Variants in HK1 observed in about 807,000 individuals in gnomAD.
HK1 encodes the protein hexokinase 1, also known as hexokinase-1.
In HK1, 28 loss-of-function variants were observed where a neutral mutation model predicts 91.6. The observed-to-expected ratio is 0.31, with a 90% CI of 0.23 to 0.42. The LOEUF is 0.42. Among genes scored for constraint, HK1 ranks in the 10% least tolerant of loss-of-function variants. The pLI, the probability that HK1 is intolerant of heterozygous loss-of-function variation, is 1.00. For synonymous variants in HK1, 430 were observed against 468.1 expected (o/e 0.92, Z 1.05); for missense variants, 770 against 1,219.8 (o/e 0.63, Z 5.49).
intron 5 of HK1, among the ~76,000 whole-genome samples, chr10:69,309,148 CTAGGT>C (rs1346150278): frequency 6.6e-6 from 1 of 151,764 alleles, no homozygotes; most frequent in Non-Finnish European, 1.5e-5. Flanking sequence ...GCACTTTAGC[CTAGGT>C]GACAGCAAGA....
intron 1 of HK1, among the ~76,000 whole-genome samples, chr10:69,340,113 C>T (rs1471879673): frequency 6.6e-6 from 1 of 152,208 alleles, no homozygotes; most frequent in Non-Finnish European, 1.5e-5. Context: ...AATATGTTTT[C>T]TTTCCCTGGG....
Position 69,288,688 on chromosome 10 carries a change from G to A in HK1, c.-197G>A, listed in dbSNP as rs1001500516. The A allele has an allele frequency of 1.0e-5, 16 of 1,574,982 alleles. No individual in the cohort carries two copies. In the East Asian group the frequency reaches 3.4e-4, roughly 33 times the overall value. The stretch of plus-strand genomic sequence containing the variant: ...TTCTCTAGGCGTTCAAGACCCAGCT[G>A]TTGAGAGTAGAAAAGCAGAAGAAAG... On this transcript the variant is annotated 5_prime_UTR_variant, in exon 3 of 22. Coordinates refer to the HK1 transcript ENST00000360289.
At chr10:69,323,508 G>A (rs1365517273) in intron 1 of HK1, among the ~76,000 whole-genome samples, 1 of 124,386 alleles carries the variant, frequency 8.0e-6, no homozygotes, top group African/African-American at 3.2e-5. Context: ...ATGATAGAGC[G>A]AGACTCTGTC....
At chr10:69,400,248 G>A (rs1008065022) in intron 17 of HK1, among the ~76,000 whole-genome samples, 1 of 152,178 alleles carries the variant, frequency 6.6e-6, no homozygotes, top group Non-Finnish European at 1.5e-5. Context: ...GTGCTGGCAT[G>A]AGCCACCGCA....
intron 1 of HK1, among the ~76,000 whole-genome samples, chr10:69,272,291 A>AT (rs1004693584): frequency 7.9e-4 from 120 of 152,234 alleles, no homozygotes; most frequent in African/African-American, 2.8e-3. Flanking sequence ...ATTAATTTGT[A>AT]TTTTTTTCCC....
intron 15 of HK1, among the ~76,000 whole-genome samples, chr10:69,392,963 G>A (rs1839971202): frequency 6.6e-6 from 1 of 152,156 alleles, no homozygotes; most frequent in South Asian, 2.1e-4. Context: ...GCTTTTCTTC[G>A]AATCAGCTTA....
intron 1 of HK1, among the ~76,000 whole-genome samples, chr10:69,272,551 A>G (rs570764466): frequency 2.8e-4 from 42 of 152,212 alleles, no homozygotes; most frequent in African/African-American, 9.6e-4. Context: ...CTAGTTTGGT[A>G]CTTTTTTCCT....
At chr10:69,374,364 G>A (rs528374787) in intron 7 of HK1, among the ~76,000 whole-genome samples, 3 of 152,334 alleles carry the variant, frequency 2.0e-5, no homozygotes, top group African/African-American at 7.2e-5. Flanking sequence ...CAGATTGGTT[G>A]GAACGCTGCC....
chr10:69,303,189 G>T (rs373366613), intron 5 of HK1, among the ~76,000 whole-genome samples: 1 of 152,022 alleles, frequency 6.6e-6, no homozygotes, highest in African/African-American at 2.4e-5. Flanking sequence ...TAGAGGTAAT[G>T]TGGTGGGGGG....
intron 5 of HK1, among the ~76,000 whole-genome samples, chr10:69,302,842 G>T (rs1013821879): frequency 6.6e-6 from 1 of 152,044 alleles, no homozygotes; most frequent in African/African-American, 2.4e-5. Context: ...GAATTCTTAG[G>T]GTTTGGTAAC....
At chr10:69,400,895 C>A in intron 17 of HK1, 96 bp from the exon 18 acceptor site, 1 of 1,302,194 alleles carries the variant, frequency 7.7e-7, no homozygotes. Context: ...GTCGAATCAT[C>A]ACCAGTCAGG....
chr10:69,366,874 C>T (rs988316227), intron 4 of HK1, among the ~76,000 whole-genome samples: 6 of 152,160 alleles, frequency 3.9e-5, no homozygotes, highest in African/African-American at 9.7e-5. Flanking sequence ...TGCGTTTCAC[C>T]GTTGTTTACA....
Position 69,380,141 on chromosome 10 carries a change from G to A in HK1, c.1265+46G>A, listed in dbSNP as rs1427043075. The A allele has an allele frequency of 4.8e-6, 7 of 1,469,346 alleles. No individual in the cohort carries two copies. In the East Asian group the frequency reaches 6.8e-5, roughly 14 times the overall value. 91.0% of individuals were successfully genotyped at this position (1,469,346 alleles called of 1,614,324 possible). The stretch of plus-strand genomic sequence containing the variant: ...CATTGGCACTCTGTACCCATTGTGG[G>A]TAGGGACCTTCTCCAGAGATCAGAC... On this transcript the variant is annotated intron_variant, in intron 9 of 17. Coordinates refer to ENST00000359426, the MANE Select transcript of HK1 (RefSeq NM_000188.3). The surrounding 1 kb of genome is among the most constrained non-coding windows in gnomAD (Gnocchi z 4.0).
At chr10:69,372,623 C>G (rs1050541277) in intron 7 of HK1, among the ~76,000 whole-genome samples, 1 of 152,072 alleles carries the variant, frequency 6.6e-6, no homozygotes, top group African/African-American at 2.4e-5. Context: ...GATTTTTGCC[C>G]TGTTTGAAGG....
chr10:69,371,093 G>A (rs1849977995), intron 7 of HK1, among the ~76,000 whole-genome samples: 1 of 152,192 alleles, frequency 6.6e-6, no homozygotes, highest in Non-Finnish European at 1.5e-5. Context: ...GTACTGCAGG[G>A]TGGACAGTTG....
At chr10:69,375,006 G>C (rs1270382883) in intron 7 of HK1, among the ~76,000 whole-genome samples, 1 of 152,170 alleles carries the variant, frequency 6.6e-6, no homozygotes, top group African/African-American at 2.4e-5. Context: ...ATGCACAGTG[G>C]TTAGGAGTAC....
chr10:69,326,360 C>T (rs151082987), intron 1 of HK1, among the ~76,000 whole-genome samples: 10 of 152,254 alleles, frequency 6.6e-5, no homozygotes, highest in African/African-American at 2.4e-4. Flanking sequence ...CTTCCCAGCA[C>T]GGCTCCCTCC....
chr10:69,392,491 C>T (rs1235581405), intron 15 of HK1, among the ~76,000 whole-genome samples, 183 bp downstream of exon 15: 1 of 152,142 alleles, frequency 6.6e-6, no homozygotes, highest in Non-Finnish European at 1.5e-5. Flanking sequence ...GGAGGACAGA[C>T]CCCCAACATG....
intron 1 of HK1, among the ~76,000 whole-genome samples, chr10:69,338,874 A>G (rs1288648294): frequency 6.6e-6 from 1 of 152,028 alleles, no homozygotes; most frequent in Non-Finnish European, 1.5e-5. Flanking sequence ...AGAAAAGTTG[A>G]AAGGCCAGAC....
Sources: allele counts gnomAD v4.1 joint callset (sites outside exome capture counted in the v4.1 genomes callset), GRCh38; gene constraint gnomAD v4.1.1; non-coding constraint Gnocchi (gnomAD v3.1); transcripts MANE v1.5; gene names NCBI Gene and HGNC (gene_info 2026-07-23, HGNC 2026-07-21).